DMD: variants seen among roughly 807,000 people sequenced by gnomAD.
The protein encoded by DMD is mutant dystrophin.
Under a neutral mutation model 330.1 loss-of-function variants are expected in DMD, and 63 were observed. That is an observed-to-expected ratio of 0.19 (90% CI 0.16 to 0.24). The LOEUF (loss-of-function observed/expected upper bound fraction) is 0.24. Ranked by LOEUF, DMD falls within the 10% of genes least tolerant of loss-of-function variation. The pLI, the probability that DMD is intolerant of heterozygous loss-of-function variation, is 1.00. For missense variants in DMD, 3,344 were observed against 2,684.1 expected (o/e 1.25, Z -5.43); for synonymous variants, 1,223 against 959.8 (o/e 1.27, Z -5.07).
chrX:32,867,029 C>T (rs1165687124), intron 2 of DMD, among the ~76,000 whole-genome samples: 8 of 111,602 alleles, frequency 7.2e-5, no homozygotes, highest in East Asian at 5.7e-4. Context: ...CCACCGTACC[C>T]GGCCAACTTT....
chrX:32,395,410 C>T (rs960896395), intron 30 of DMD, among the ~76,000 whole-genome samples: 37 of 61,447 alleles, frequency 6.0e-4, no homozygotes, highest in Admixed American at 4.5e-3. Flanking sequence ...CATCACACAC[C>T]AGGGCCTGTC....
intron 44 of DMD, among the ~76,000 whole-genome samples, chrX:31,978,286 G>T (rs766945379): frequency 9.1e-6 from 1 of 110,127 alleles, no homozygotes; most frequent in African/African-American, 3.3e-5. Context: ...ACTTTGTTTT[G>T]TCCCTTTTTT....
chrX:31,331,701 G>T (rs1186852244), intron 61 of DMD, among the ~76,000 whole-genome samples: 1 of 111,969 alleles, frequency 8.9e-6, no homozygotes, highest in African/African-American at 3.2e-5. Context: ...GTTAAGTCAG[G>T]TTACTAACAA....
rs1207207240 is a variant in DMD, at chrX:31,840,549, CT to C, written c.7099-3731del. ...TGCCTTATTGGCTCTGCAGATACTG[CT>C]TTTTTTTTTTTTTTTTTTTTACAAA... On this transcript the variant is annotated intron_variant, in intron 48 of 78. Coordinates refer to ENST00000357033, the MANE Select transcript of DMD (RefSeq NM_004006.3). Among the ~76,000 whole-genome samples, 117 of 76,354 alleles carry C rather than the reference CT, an allele frequency of 1.5e-3. 1 individual carries two copies. Among genetic ancestry groups the C allele is most frequent in the Non-Finnish European group, 2.2e-3 (90 of 40,592 alleles). The allele number at this position is 76,354 out of a possible 115,157, so 66.3% of individuals were successfully genotyped here.
At chrX:33,171,210 C>T (rs2049326522) in intron 1 of DMD, among the ~76,000 whole-genome samples, 1 of 110,547 alleles carries the variant, frequency 9.0e-6, no homozygotes, top group African/African-American at 3.3e-5. Flanking sequence ...CTCTCTCTCT[C>T]TCTCAGCTGT....
At chrX:31,370,454 C>T (rs947553389) in intron 60 of DMD, among the ~76,000 whole-genome samples, 2 of 111,810 alleles carry the variant, frequency 1.8e-5, no homozygotes, top group African/African-American at 6.5e-5. Flanking sequence ...CAGCATTTGC[C>T]ACGAGGGAAA....
chrX:32,531,969 C>T lies in DMD; in HGVS notation c.2168+13190G>A, dbSNP rs191702447. ...ATGGCAATATAAAATAATTTATTTC[C>T]CAATTTATTATTACCTTGGAATTTC... is the stretch of plus-strand genomic sequence containing the variant. On this transcript the variant is annotated intron_variant, in intron 17 of 78. Coordinates refer to ENST00000357033, the MANE Select transcript of DMD (RefSeq NM_004006.3). Among the ~76,000 whole-genome samples, 325 of 110,342 alleles carry T rather than the reference C, an allele frequency of 2.9e-3. 1 individual carries two copies. Among genetic ancestry groups the T allele is most frequent in the Admixed American group, 5.0e-3 (51 of 10,246 alleles).
intron 1 of DMD, among the ~76,000 whole-genome samples, chrX:33,170,228 C>T (rs948412867): frequency 5.4e-5 from 6 of 111,481 alleles, no homozygotes; most frequent in Middle Eastern, 4.6e-3. Flanking sequence ...CTAGATCCTG[C>T]TTAATATTTA....
intron 12 of DMD, among the ~76,000 whole-genome samples, chrX:32,600,432 A>G (rs1483521099): frequency 9.1e-6 from 1 of 110,244 alleles, no homozygotes; most frequent in African/African-American, 3.3e-5. Flanking sequence ...TTACTTGTCT[A>G]TTTCTTTTGG....
At chrX:32,592,475 C>T (rs996279569) in intron 13 of DMD, among the ~76,000 whole-genome samples, 7 of 110,974 alleles carry the variant, frequency 6.3e-5, no homozygotes, top group African/African-American at 2.3e-4. Context: ...CCTCTCTACT[C>T]ACAGCTGCAC....
At chrX:31,682,866 C>A (rs2082460576) in intron 52 of DMD, among the ~76,000 whole-genome samples, 1 of 111,841 alleles carries the variant, frequency 8.9e-6, no homozygotes, top group South Asian at 3.7e-4. Context: ...GGAAAACAGT[C>A]TATATTTTTA....
chrX:33,127,785 T>C (rs192418887), intron 1 of DMD, among the ~76,000 whole-genome samples: 4 of 111,278 alleles, frequency 3.6e-5, no homozygotes, highest in Admixed American at 9.6e-5. Context: ...AAAAATATTA[T>C]CGTTTATAGA....
chrX:33,107,463 G>GA (rs1261089385), intron 1 of DMD, among the ~76,000 whole-genome samples: 21 of 107,868 alleles, frequency 1.9e-4, no homozygotes, highest in South Asian at 4.0e-4. Flanking sequence ...TAGCAGATAT[G>GA]AAAAAAAAAT....
At chrX:32,021,213 T>TGTTATATACATACA (rs1225424463) in intron 44 of DMD, among the ~76,000 whole-genome samples, 3 of 111,711 alleles carry the variant, frequency 2.7e-5, no homozygotes, top group African/African-American at 9.8e-5. Context: ...ATACAATGAG[T>TGTTATATACATACA]TGCACATTGA....
chrX:32,883,822 T>G (rs2084216252), intron 2 of DMD, among the ~76,000 whole-genome samples: 1 of 18,527 alleles, frequency 5.4e-5, no homozygotes, highest in Non-Finnish European at 8.6e-5. Context: ...AGACTCTGTT[T>G]CAAAAAAAAA....
chrX:33,010,424 A>C lies in DMD; in HGVS notation c.93+9715T>G, dbSNP rs201748692. Among the ~76,000 whole-genome samples the C allele has an allele frequency of 2.7e-5, 3 of 109,190 alleles. No individual in the cohort carries two copies. The East Asian group carries it at 8.8e-4, about 32-fold the overall frequency. 94.8% of individuals were successfully genotyped at this position (109,190 alleles called of 115,157 possible). A position where few individuals can be genotyped will look rare whatever the true frequency, so the allele number is the denominator to read the frequency against. On this transcript the variant is annotated intron_variant, in intron 2 of 78. Transcript: ENST00000357033. ...TATAGGTTGAGCCTCTCAAATCCAA[A>C]AATCCCAAATCCAAAATGCTCCCAA...
chrX:32,689,986 G>A, intron 9 of DMD, among the ~76,000 whole-genome samples: 1 of 110,277 alleles, frequency 9.1e-6, no homozygotes, highest in Non-Finnish European at 1.9e-5. Flanking sequence ...TATGAAATCA[G>A]GAACAGGAGG....
intron 59 of DMD, among the ~76,000 whole-genome samples, chrX:31,452,484 G>A (rs753517127): frequency 2.2e-4 from 24 of 110,503 alleles, no homozygotes; most frequent in South Asian, 3.9e-4. Flanking sequence ...TCTGGAGGCT[G>A]AGGCAGGAGA....
chrX:31,248,664 G>T (rs755570230), intron 63 of DMD, among the ~76,000 whole-genome samples: 8 of 111,993 alleles, frequency 7.1e-5, no homozygotes, highest in Non-Finnish European at 1.5e-4. Context: ...TCTCTGCTCT[G>T]CTGTTTATTA....
Sources: allele counts gnomAD v4.1 joint callset (sites outside exome capture counted in the v4.1 genomes callset), GRCh38; gene constraint gnomAD v4.1.1; transcripts MANE v1.5; gene names NCBI Gene and HGNC (gene_info 2026-07-23, HGNC 2026-07-21).